Variants in CEP85 observed in about 807,000 individuals in gnomAD.
The protein encoded by CEP85 is centrosomal protein of 85 kDa.
CEP85 carries 58 observed loss-of-function variants against 93.7 expected under a neutral mutation model. That is an observed-to-expected ratio of 0.62 (90% confidence interval 0.50 to 0.77). CEP85 has a LOEUF of 0.77. Ranked by LOEUF, CEP85 falls within the 30% of genes least tolerant of loss-of-function variation. The pLI is 0.00. For synonymous variants in CEP85, 314 were observed against 338.6 expected (o/e 0.93, Z 0.80); for missense variants, 868 against 922.0 (o/e 0.94, Z 0.76).
intron 3 of CEP85, among the ~76,000 whole-genome samples, chr1:26,252,353 A>G (rs1282489761): frequency 6.6e-6 from 1 of 151,886 alleles, no homozygotes; most frequent in Non-Finnish European, 1.5e-5. Flanking sequence ...ACCAGCATGG[A>G]GAAGCCCTGT....
intron 3 of CEP85, among the ~76,000 whole-genome samples, chr1:26,244,682 G>T (rs1369490212): frequency 6.6e-6 from 1 of 152,030 alleles, no homozygotes; most frequent in Non-Finnish European, 1.5e-5. Flanking sequence ...CACCGTGGCT[G>T]GCTAATTTTT....
chr1:26,273,934 T>A (rs60284116), intron 11 of CEP85, among the ~76,000 whole-genome samples: 1,709 of 107,840 alleles, frequency 0.016, 24 homozygotes, highest in African/African-American at 0.05. Context: ...ATAAATAAAA[T>A]ATATATATAT....
chr1:26,262,333 C>T (rs1275486160), intron 7 of CEP85, among the ~76,000 whole-genome samples: 2 of 151,626 alleles, frequency 1.3e-5, no homozygotes, highest in East Asian at 1.9e-4. Context: ...CAAAAATTAG[C>T]GGGGTATGGT....
rs2124605825 is a variant in CEP85 at position 26,269,442 on chromosome 1, TG to T, written c.1495-15del. On this transcript the variant is annotated splice_polypyrimidine_tract_variant and intron_variant, in intron 8 of 13. Coordinates refer to ENST00000451429, the MANE Select transcript of CEP85 (RefSeq NM_001319944.2). Reference sequence around the variant, plus strand: ...ACACTTGGCTTATTTGACCTAAACATGGGATCCTGTCTCTCAGCTTAAGGAT... The same window carrying T: ...ACACTTGGCTTATTTGACCTAAACATGGATCCTGTCTCTCAGCTTAAGGAT... 1 of 1,612,364 alleles carries T rather than the reference TG, an allele frequency of 6.2e-7. No individual in the cohort carries two copies. The highest frequency in any genetic ancestry group is 2.2e-5 in the East Asian group (1 of 44,856).
intron 6 of CEP85, among the ~76,000 whole-genome samples, chr1:26,258,555 C>T (rs973825313): frequency 2.0e-5 from 3 of 151,406 alleles, no homozygotes; most frequent in African/African-American, 7.3e-5. Context: ...TTTTCTAGCC[C>T]TAGCCAAAGG....
chr1:26,272,002 T>A lies in CEP85; in HGVS notation c.1744-19T>A, dbSNP rs1230633087. 1 of 1,613,684 alleles carries A rather than the reference T, an allele frequency of 6.2e-7. No individual in the cohort carries two copies. Among genetic ancestry groups the A allele is most frequent in the Non-Finnish European group, 8.5e-7 (1 of 1,179,880 alleles). ...TCAGCCTTGTGCTCGCAGCCTTCCTTGATAACTTTGCCTTTCAGATTGTGG... is the reference window on the plus strand; with the variant it reads ...TCAGCCTTGTGCTCGCAGCCTTCCTAGATAACTTTGCCTTTCAGATTGTGG... On this transcript the variant is annotated intron_variant, in intron 10 of 13. Transcript: ENST00000451429.
At chr1:26,251,251 G>C (rs1159489498) in intron 3 of CEP85, among the ~76,000 whole-genome samples, 1 of 113,670 alleles carries the variant, frequency 8.8e-6, no homozygotes. Context: ...CCCAAGCTTG[G>C]TTTTTTTTTT....
At chr1:26,252,251 G>T (rs112408281) in intron 3 of CEP85, among the ~76,000 whole-genome samples, 3,532 of 148,594 alleles carry the variant, frequency 0.024, 60 homozygotes, top group Non-Finnish European at 0.035. Flanking sequence ...GAAAAAATTG[G>T]GCCGGGGGCA....
intron 9 of CEP85, among the ~76,000 whole-genome samples, chr1:26,270,074 C>G (rs2089952596): frequency 6.6e-6 from 1 of 152,034 alleles, no homozygotes; most frequent in Non-Finnish European, 1.5e-5. Flanking sequence ...CCGCGCCCGG[C>G]CAGGAAGCGG....
At chr1:26,241,471 C>T (rs1407868984) in intron 2 of CEP85, among the ~76,000 whole-genome samples, 1 of 152,078 alleles carries the variant, frequency 6.6e-6, no homozygotes, top group East Asian at 1.9e-4. Flanking sequence ...GTCTCAATCT[C>T]CTGACCTTGT....
rs552285301 is a variant in CEP85 at position 26,251,807 on chromosome 1, G to T, written c.209-3364G>T. On this transcript the variant is annotated intron_variant, in intron 3 of 13. Coordinates refer to ENST00000451429, the MANE Select transcript of CEP85 (RefSeq NM_001319944.2). ...TGCTATGGATGGAGACTGGAAGGAG[G>T]TATTGCAAAGTTCATGGTAGCAACC... 2.6e-5 allele frequency among the ~76,000 whole-genome samples: 4 copies of T among 152,258 alleles called. No individual in the cohort carries two copies. The East Asian group carries it at 5.8e-4, about 22-fold the overall frequency.
chr1:26,269,506 C>CT lies in CEP85; in HGVS notation c.1542dup (p.Glu515Ter). The CT allele has an allele frequency of 6.2e-7, 1 of 1,614,094 alleles. No homozygotes were observed. Among genetic ancestry groups the CT allele is most frequent in the Non-Finnish European group, 8.5e-7 (1 of 1,179,964 alleles). On this transcript the variant is annotated frameshift_variant, in exon 9 of 14. Transcript: ENST00000451429. LOFTEE classifies it high-confidence loss of function. Reference sequence around the variant, plus strand: ...AGCACAGAGCTGCAGGAGAAAGTGACTGAGCTGGAGAGTTTGCTGGAGGAG... The same window carrying CT: ...AGCACAGAGCTGCAGGAGAAAGTGACTTGAGCTGGAGAGTTTGCTGGAGGAG...
At chr1:26,261,162 G>A (rs1328378501) in intron 7 of CEP85, among the ~76,000 whole-genome samples, 1 of 151,626 alleles carries the variant, frequency 6.6e-6, no homozygotes, top group Non-Finnish European at 1.5e-5. Flanking sequence ...AAGAGGGTTT[G>A]TTAAAAAAGA....
intron 8 of CEP85, 90 bp from the exon 9 acceptor site, chr1:26,269,370 A>C: frequency 7.8e-7 from 1 of 1,282,668 alleles, no homozygotes; most frequent in Admixed American, 1.9e-5. Context: ...TATAGGTTTG[A>C]GTGCTATTTC....
At chr1:26,275,134 T>C (rs1024914391) in intron 12 of CEP85, 63 bp downstream of exon 12, 3 of 1,212,504 alleles carry the variant, frequency 2.5e-6, no homozygotes, top group African/African-American at 3.0e-5. Context: ...TTGTTTGCCC[T>C]CCCCATCTCT....
intron 3 of CEP85, among the ~76,000 whole-genome samples, chr1:26,250,941 T>C (rs71514269): frequency 0.46 from 51,185 of 110,806 alleles, 12,325 homozygotes; most frequent in Non-Finnish European, 0.57. Context: ...TCTTTTTTTT[T>C]TTTTTTTTTT....
At chr1:26,256,285 C>G (rs1347619161) in intron 4 of CEP85, among the ~76,000 whole-genome samples, 3 of 152,114 alleles carry the variant, frequency 2.0e-5, no homozygotes, top group African/African-American at 2.4e-5. Context: ...GTGGCTCACG[C>G]CTATAATCCC....
Position 26,278,659 on chromosome 1 carries a change from G to C in CEP85, c.*1366G>C, listed in dbSNP as rs922911778. ...TGCTTAAAGGCAGAGCCGCCTGGTT[G>C]GTCTCCACCCTGTGCATTGGGAGCC... On this transcript the variant is annotated 3_prime_UTR_variant, in exon 14 of 14. Coordinates refer to ENST00000451429, the MANE Select transcript of CEP85 (RefSeq NM_001319944.2). 6.6e-6 allele frequency: 1 copy of C among 152,636 alleles called. No homozygotes were observed. Among genetic ancestry groups the C allele is most frequent in the Non-Finnish European group, 1.5e-5 (1 of 68,042 alleles). The allele number at this position is 152,636 out of a possible 1,614,324, so 9.5% of individuals were successfully genotyped here. A position where few individuals can be genotyped will look rare whatever the true frequency, so the allele number is the denominator to read the frequency against.
At chr1:26,236,285 C>T (rs1403942387) in intron 1 of CEP85, among the ~76,000 whole-genome samples, 1 of 152,132 alleles carries the variant, frequency 6.6e-6, no homozygotes, top group Non-Finnish European at 1.5e-5. Context: ...AAGTGTTGAG[C>T]ACAGTGTTTG....
Sources: allele counts gnomAD v4.1 joint callset (sites outside exome capture counted in the v4.1 genomes callset), GRCh38; gene constraint gnomAD v4.1.1; transcripts MANE v1.5; gene names NCBI Gene and HGNC (gene_info 2026-07-23, HGNC 2026-07-21).